Variants in SEZ6L observed in about 807,000 individuals in gnomAD.
SEZ6L encodes seizure related 6 homolog like.
Under a neutral mutation model 106.2 loss-of-function variants are expected in SEZ6L, and 37 were observed. That is an observed-to-expected ratio of 0.35 (90% CI 0.27 to 0.46). The LOEUF is 0.46. SEZ6L is among the 20% of genes least tolerant of loss of function. The pLI, the probability that SEZ6L is intolerant of heterozygous loss-of-function variation, is 1.00. For missense variants in SEZ6L, 1,172 were observed against 1,332.8 expected, an observed-to-expected ratio of 0.88 and a Z score of 1.88; for synonymous variants, 541 against 570.4, an observed-to-expected ratio of 0.95 and a Z score of 0.73.
intron 13 of SEZ6L, among the ~76,000 whole-genome samples, chr22:26,370,698 A>G (rs1341678286): frequency 1.1e-5 from 1 of 90,752 alleles, no homozygotes; most frequent in African/African-American, 6.0e-5. Context: ...TGTTTTACAG[A>G]AAAAAAAAAA....
chr22:26,225,754 T>C (rs2078617286), intron 1 of SEZ6L, among the ~76,000 whole-genome samples: 1 of 152,212 alleles, frequency 6.6e-6, no homozygotes, highest in African/African-American at 2.4e-5. Context: ...CTGGGCTGAC[T>C]GACTGTGGCT....
chr22:26,193,278 C>A (rs147745497), intron 1 of SEZ6L, among the ~76,000 whole-genome samples: 1 of 152,166 alleles, frequency 6.6e-6, no homozygotes, highest in Non-Finnish European at 1.5e-5. Context: ...TCGTGTGAGA[C>A]AAATATGGCT....
At chr22:26,209,281 C>G (rs1941474611) in intron 1 of SEZ6L, among the ~76,000 whole-genome samples, 1 of 152,164 alleles carries the variant, frequency 6.6e-6, no homozygotes, top group African/African-American at 2.4e-5. Flanking sequence ...TCAAATTTCC[C>G]TGATTCTTCA....
At chr22:26,230,989 C>G (rs2078781060) in intron 1 of SEZ6L, among the ~76,000 whole-genome samples, 1 of 152,204 alleles carries the variant, frequency 6.6e-6, no homozygotes, top group South Asian at 2.1e-4. Flanking sequence ...AGCCCCAAAA[C>G]TGGGGCTTAG....
At chr22:26,209,983 AAGGAAGGG>A (rs1338804245) in intron 1 of SEZ6L, among the ~76,000 whole-genome samples, 1 of 150,880 alleles carries the variant, frequency 6.6e-6, no homozygotes, top group African/African-American at 2.4e-5. Flanking sequence ...GGGAGGAAGG[AAGGAAGGG>A]AGGAAGGAAG....
chr22:26,290,804 T>C (rs2081085689), intron 1 of SEZ6L, among the ~76,000 whole-genome samples: 1 of 152,222 alleles, frequency 6.6e-6, no homozygotes, highest in Non-Finnish European at 1.5e-5. Context: ...CCCTTGCAAT[T>C]CTTTTGTGCC....
At chr22:26,265,505 C>T (rs1312067360) in intron 1 of SEZ6L, among the ~76,000 whole-genome samples, 1 of 152,122 alleles carries the variant, frequency 6.6e-6, no homozygotes, top group East Asian at 1.9e-4. Context: ...TACATATTCC[C>T]CAAAAAGAGA....
At chr22:26,235,787 A>G (rs764850155) in intron 1 of SEZ6L, among the ~76,000 whole-genome samples, 1 of 152,236 alleles carries the variant, frequency 6.6e-6, no homozygotes, top group Admixed American at 6.5e-5. Flanking sequence ...GAGGGGTAGA[A>G]TAGAGGACTC....
chr22:26,224,973 A>G (rs1181499300), intron 1 of SEZ6L, among the ~76,000 whole-genome samples: 5 of 152,252 alleles, frequency 3.3e-5, no homozygotes, highest in Non-Finnish European at 5.9e-5. Flanking sequence ...GTTACAAAAA[A>G]AAAGCCCTAC....
At chr22:26,369,163 C>T (rs1359418864) in intron 13 of SEZ6L, among the ~76,000 whole-genome samples, 6 of 151,664 alleles carry the variant, frequency 4.0e-5, no homozygotes, top group Non-Finnish European at 8.8e-5. Context: ...GCCCTTTCCA[C>T]GGAGATTCTG....
intron 1 of SEZ6L, among the ~76,000 whole-genome samples, chr22:26,183,460 C>T (rs9624990): frequency 6.6e-6 from 1 of 152,180 alleles, no homozygotes; most frequent in African/African-American, 2.4e-5. Context: ...CCATGAATTT[C>T]TGGGACCACT....
chr22:26,326,063 C>T (rs536001963), intron 9 of SEZ6L, among the ~76,000 whole-genome samples: 2 of 152,184 alleles, frequency 1.3e-5, no homozygotes, highest in Non-Finnish European at 2.9e-5. Flanking sequence ...CTCTCCCCCA[C>T]GATTTGCAGG....
intron 1 of SEZ6L, among the ~76,000 whole-genome samples, chr22:26,240,856 C>T (rs1225120748): frequency 1.3e-5 from 2 of 152,022 alleles, no homozygotes; most frequent in African/African-American, 4.8e-5. Context: ...ATGGGAGAAA[C>T]GTGGAGCATG....
chr22:26,298,196 C>T (rs11912435), intron 4 of SEZ6L, among the ~76,000 whole-genome samples: 1,548 of 148,456 alleles, frequency 0.01, 33 homozygotes, highest in African/African-American at 0.036. Context: ...AAAGCAACAA[C>T]AAAAAAGAAT....
chr22:26,340,723 A>G (rs1209593503), intron 10 of SEZ6L, 91 bp downstream of exon 10: 14 of 1,057,182 alleles, frequency 1.3e-5, no homozygotes, highest in Middle Eastern at 4.3e-4. Flanking sequence ...GTTTTGTACT[A>G]CAGCGATTTT....
intron 13 of SEZ6L, 124 bp downstream of exon 13, chr22:26,365,690 T>C (rs2083784929): frequency 5.1e-6 from 4 of 778,876 alleles, no homozygotes; most frequent in Non-Finnish European, 7.8e-6. Context: ...CGAGGCAACA[T>C]AGTGAGACCC....
intron 9 of SEZ6L, among the ~76,000 whole-genome samples, chr22:26,333,357 C>A (rs1601527597): frequency 6.6e-6 from 1 of 152,192 alleles, no homozygotes; most frequent in South Asian, 2.1e-4. Context: ...CAACAAGAAG[C>A]CCTAGAGGCA....
rs1391160020 is a variant in SEZ6L at position 26,382,011 on chromosome 22, T to C, written c.*1716T>C. On this transcript the variant is annotated 3_prime_UTR_variant, in exon 17 of 17. Transcript: ENST00000248933. ...AGGGAAAGTTGATTTTAGGCACACA[T>C]GTACCCTCCTTGACAGCAGGAACTC... 3.9e-6 allele frequency: 2 copies of C among 518,674 alleles called. No individual in the cohort carries two copies. The highest frequency in any genetic ancestry group is 3.8e-5 in the African/African-American group (2 of 51,952). The allele number at this position is 518,674 out of a possible 1,614,324, so 32.1% of individuals were successfully genotyped here.
intron 7 of SEZ6L, 130 bp downstream of exon 7, chr22:26,310,966 G>T (rs1237075982): frequency 2.3e-6 from 2 of 882,378 alleles, no homozygotes; most frequent in Non-Finnish European, 3.5e-6. Context: ...GGATCCTTTG[G>T]TTTCCAAAGA....
Sources: gnomAD v4.1 joint callset for allele counts (sites outside exome capture counted in the v4.1 genomes callset) on GRCh38, gnomAD v4.1.1 for gene constraint, MANE v1.5 for transcripts, NCBI Gene and HGNC (gene_info 2026-07-23, HGNC 2026-07-21) for gene names.